The following FNBP4 variants were observed in gnomAD, a reference collection of about 807,000 sequenced individuals.
FNBP4 encodes formin binding protein 4.
Under a neutral mutation model 119.3 loss-of-function variants are expected in FNBP4, and 34 were observed. That is an observed-to-expected ratio of 0.28 (90% CI 0.22 to 0.38). The LOEUF is 0.38. Ranked by LOEUF, FNBP4 falls within the 10% of genes least tolerant of loss-of-function variation. The pLI, the probability that FNBP4 is intolerant of heterozygous loss-of-function variation, is 1.00. For missense variants in FNBP4, 1,112 were observed against 1,228.9 expected, an observed-to-expected ratio of 0.90 and a Z score of 1.42; for synonymous variants, 462 against 430.6, an observed-to-expected ratio of 1.07 and a Z score of -0.90.
At chr11:47,719,840 C>A (rs2097553634) in intron 16 of FNBP4, 89 bp downstream of exon 16, 1 of 1,326,244 alleles carries the variant, frequency 7.5e-7, no homozygotes. Flanking sequence ...TATTCTAATG[C>A]ATCTATAACA....
chr11:47,746,998 C>T (rs990836792), intron 6 of FNBP4, among the ~76,000 whole-genome samples: 4 of 152,092 alleles, frequency 2.6e-5, no homozygotes, highest in Non-Finnish European at 5.9e-5. Flanking sequence ...TTTGTCAGCT[C>T]ATAACATGAC....
At chr11:47,759,923 A>G (rs1173759737) in intron 2 of FNBP4, among the ~76,000 whole-genome samples, 1 of 152,236 alleles carries the variant, frequency 6.6e-6, no homozygotes, top group Non-Finnish European at 1.5e-5. Flanking sequence ...ATTGCACTCC[A>G]ACCTGGGGAA....
intron 2 of FNBP4, among the ~76,000 whole-genome samples, chr11:47,762,160 T>C (rs1207972734): frequency 7.2e-6 from 1 of 138,542 alleles, no homozygotes; most frequent in African/African-American, 2.7e-5. Flanking sequence ...TGAGATGGAG[T>C]CTTACTCTGT....
Position 47,741,160 on chromosome 11 carries a change from T to C in FNBP4, c.1456+2793A>G, listed in dbSNP as rs142142801. 2.5e-3 allele frequency among the ~76,000 whole-genome samples: 376 copies of C among 151,510 alleles called. 7 individuals carry two copies. Among genetic ancestry groups the C allele is most frequent in the Middle Eastern group, 0.014 (4 of 292 alleles). ...CTGGGATTACAGGCGTGAGCCACCG[T>C]GCGCCAGTCTGTTTTTCTTTTTCTT... On this transcript the variant is annotated intron_variant, in intron 8 of 16. Coordinates refer to ENST00000263773, the MANE Select transcript of FNBP4 (RefSeq NM_015308.5).
At chr11:47,729,075 C>T in intron 12 of FNBP4, 1 of 754,332 alleles carries the variant, frequency 1.3e-6, no homozygotes, top group East Asian at 1.3e-4. Context: ...TGGTCTTGAA[C>T]TCTTGACCTC....
At chr11:47,743,827 C>A in intron 8 of FNBP4, 126 bp downstream of exon 8, 3 of 838,094 alleles carry the variant, frequency 3.6e-6, no homozygotes, top group East Asian at 2.6e-5. Flanking sequence ...AGCTTCCTTC[C>A]CAGCACTTCT....
Position 47,740,609 on chromosome 11 carries a change from T to A in FNBP4, c.1456+3344A>T, listed in dbSNP as rs1046454805. On this transcript the variant is annotated intron_variant, in intron 8 of 16. Transcript: ENST00000263773. The stretch of plus-strand genomic sequence containing the variant: ...CATACATATGTATTTGTTTTTTTTT[T>A]CCCCGAGACAGTCTCACTCTGTCGC... Among the ~76,000 whole-genome samples, 88 of 139,474 alleles carry A rather than the reference T, an allele frequency of 6.3e-4. 2 individuals are homozygous for A. The highest frequency in any genetic ancestry group is 2.2e-3 in the African/African-American group (87 of 39,150). The allele number at this position is 139,474 out of a possible 152,430, so 91.5% of individuals were successfully genotyped here. A position where few individuals can be genotyped will look rare whatever the true frequency, so the allele number is the denominator to read the frequency against.
At chr11:47,765,134 A>C (rs1241868870) in intron 2 of FNBP4, 136 bp downstream of exon 2, 2 of 635,440 alleles carry the variant, frequency 3.1e-6, no homozygotes, top group Non-Finnish European at 5.5e-6. Flanking sequence ...AAACAAAAAT[A>C]ATCTTAAATC....
chr11:47,738,847 A>ATTTTTTTTTTTTTTTTTTTT lies in FNBP4; in HGVS notation c.1457-2127_1457-2108dup, dbSNP rs71045510. On this transcript the variant is annotated intron_variant, in intron 8 of 16. Coordinates refer to ENST00000263773, the MANE Select transcript of FNBP4 (RefSeq NM_015308.5). ...AGGTGTTTGCCACCATGCCCAGGTA[A>ATTTTTTTTTTTTTTTTTTTT]TTTTTTTTTTTTTTTTTTTTTTTTT... 4.5e-5 allele frequency among the ~76,000 whole-genome samples: 5 copies of ATTTTTTTTTTTTTTTTTTTT among 110,990 alleles called. 1 individual carries two copies. The highest frequency in any genetic ancestry group is 1.9e-4 in the Admixed American group (2 of 10,564). The allele number at this position is 110,990 out of a possible 152,430, so 72.8% of individuals were successfully genotyped here.
intron 2 of FNBP4, among the ~76,000 whole-genome samples, chr11:47,758,296 G>A (rs1042315104): frequency 3.3e-5 from 5 of 152,012 alleles, no homozygotes; most frequent in South Asian, 2.1e-4. Context: ...GGCTCATCTC[G>A]AACTCCTGGT....
At chr11:47,731,614 C>T (rs1158119677) in intron 11 of FNBP4, 53 bp from the exon 12 acceptor site, 2 of 1,556,562 alleles carry the variant, frequency 1.3e-6, no homozygotes, top group African/African-American at 2.8e-5. Flanking sequence ...CCTACAAAGA[C>T]ACTTCCATTT....
chr11:47,741,474 TA>T (rs1405438403), intron 8 of FNBP4, among the ~76,000 whole-genome samples: 1 of 151,774 alleles, frequency 6.6e-6, no homozygotes, highest in Non-Finnish European at 1.5e-5. Context: ...TTGATGCACA[TA>T]ACTATGGTAT....
At chr11:47,717,547 A>C in intron 16 of FNBP4, 35 bp from the exon 17 acceptor site, 10 of 1,450,684 alleles carry the variant, frequency 6.9e-6, no homozygotes, top group Non-Finnish European at 9.5e-6. Context: ...TTTAGTGGAA[A>C]GAAAAATTAA....
intron 4 of FNBP4, among the ~76,000 whole-genome samples, chr11:47,751,655 T>A (rs11819979): frequency 0.2 from 30,579 of 151,280 alleles, 3,507 homozygotes; most frequent in East Asian, 0.31. Flanking sequence ...ACACATTTTT[T>A]AAAAAAAAAC....
intron 8 of FNBP4, among the ~76,000 whole-genome samples, chr11:47,738,737 G>A (rs1001229765): frequency 1.3e-5 from 2 of 151,620 alleles, no homozygotes; most frequent in African/African-American, 2.4e-5. Flanking sequence ...CTGGAGAACA[G>A]TGGAGCTATC....
In FNBP4 at chr11:47,742,477, C is replaced by CAAAAAAAAAAAAAAAAAAAAAAAAA. The variant is rs568784009; in HGVS notation, c.1456+1451_1456+1475dup. 2.1e-4 allele frequency among the ~76,000 whole-genome samples: 5 copies of CAAAAAAAAAAAAAAAAAAAAAAAAA among 23,760 alleles called. 1 individual carries two copies. Among genetic ancestry groups the CAAAAAAAAAAAAAAAAAAAAAAAAA allele is most frequent in the Admixed American group, 1.8e-3 (2 of 1,086 alleles). 15.6% of individuals were successfully genotyped at this position (23,760 alleles called of 152,430 possible). A position where few individuals can be genotyped will look rare whatever the true frequency, so the allele number is the denominator to read the frequency against. On this transcript the variant is annotated intron_variant, in intron 8 of 16. Transcript: ENST00000263773. ...TGGGGGACAGAGCAAGACTCCGTCTCAAAAAAAAAAAAAAAAAAAAAAAAA... is the reference window on the plus strand; with the variant it reads ...TGGGGGACAGAGCAAGACTCCGTCTCAAAAAAAAAAAAAAAAAAAAAAAAAAAAAAAAAAAAAAAAAAAAAAAAAA...
chr11:47,733,386 TAGAGTAC>T (rs1365236897), intron 10 of FNBP4, among the ~76,000 whole-genome samples: 5 of 152,040 alleles, frequency 3.3e-5, no homozygotes, highest in Non-Finnish European at 7.4e-5. Flanking sequence ...TTGCCCAGGC[TAGAGTAC>T]AGTGGAGCAA....
At chr11:47,726,947 TG>T (rs2097561727) in intron 12 of FNBP4, 1 of 152,352 alleles carries the variant, frequency 6.6e-6, no homozygotes, top group African/African-American at 2.4e-5. Flanking sequence ...AGTCTGTAAC[TG>T]GTTGTGATTA....
At chr11:47,740,744 C>A (rs576407192) in intron 8 of FNBP4, among the ~76,000 whole-genome samples, 3 of 151,618 alleles carry the variant, frequency 2.0e-5, no homozygotes, top group Non-Finnish European at 2.9e-5. Context: ...AGGCGAGCAC[C>A]ACCAGGTGCA....
Sources: allele counts gnomAD v4.1 joint callset (sites outside exome capture counted in the v4.1 genomes callset), GRCh38; gene constraint gnomAD v4.1.1; transcripts MANE v1.5; gene names NCBI Gene and HGNC (gene_info 2026-07-23, HGNC 2026-07-21).